IGSF21: variants seen among roughly 807,000 people sequenced by gnomAD.
IGSF21 encodes immunoglobin superfamily member 21, also known as immunoglobulin superfamily member 21.
In IGSF21, 28 loss-of-function variants were observed where a neutral mutation model predicts 46.8. The observed-to-expected ratio is 0.60, with a 90% CI of 0.44 to 0.82. The LOEUF is 0.82. Among genes scored for constraint, IGSF21 ranks in the 40% least tolerant of loss-of-function variants. IGSF21 has a pLI of 0.00. For missense variants in IGSF21, 624 were observed against 665.5 expected (o/e 0.94, Z 0.69); for synonymous variants, 284 against 273.6 (o/e 1.04, Z -0.38).
chr1:18,186,988 G>A (rs1005180461), intron 1 of IGSF21, among the ~76,000 whole-genome samples: 4 of 152,066 alleles, frequency 2.6e-5, no homozygotes, highest in South Asian at 2.1e-4. Flanking sequence ...TGTGACCATC[G>A]TTTTAACCTC....
intron 3 of IGSF21, among the ~76,000 whole-genome samples, chr1:18,305,693 C>T (rs2085419007): frequency 1.3e-5 from 2 of 152,354 alleles, no homozygotes; most frequent in South Asian, 2.1e-4. Context: ...TCATCTAAAA[C>T]TTGCCATTGA....
At chr1:18,324,554 T>C (rs2085639497) in intron 3 of IGSF21, among the ~76,000 whole-genome samples, 1 of 152,226 alleles carries the variant, frequency 6.6e-6, no homozygotes, top group Non-Finnish European at 1.5e-5. Flanking sequence ...TGCCTGGCCT[T>C]GCATAAATCA....
intron 1 of IGSF21, among the ~76,000 whole-genome samples, chr1:18,198,682 A>C (rs1164624700): frequency 1.3e-5 from 2 of 149,848 alleles, no homozygotes; most frequent in Non-Finnish European, 3.0e-5. Context: ...GTATGGGATC[A>C]AGAGAGAGAG....
intron 1 of IGSF21, among the ~76,000 whole-genome samples, chr1:18,177,459 A>T (rs2086813584): frequency 2.3e-5 from 2 of 85,574 alleles, no homozygotes; most frequent in Non-Finnish European, 4.5e-5. Flanking sequence ...GTACATATGC[A>T]TAAACCTATC....
intron 2 of IGSF21, among the ~76,000 whole-genome samples, chr1:18,287,185 AAAAAAAAT>A (rs199795274): frequency 7.4e-6 from 1 of 134,300 alleles, no homozygotes; most frequent in African/African-American, 2.9e-5. Flanking sequence ...CGTCTCAAAA[AAAAAAAAT>A]AAAATAAATA....
At chr1:18,304,533 C>T (rs920886803) in intron 3 of IGSF21, among the ~76,000 whole-genome samples, 6 of 152,128 alleles carry the variant, frequency 3.9e-5, no homozygotes, top group Admixed American at 6.5e-5. Context: ...GCAAGCCAGC[C>T]GCAGAATCAA....
chr1:18,305,400 TAATG>T (rs1324780953), intron 3 of IGSF21, among the ~76,000 whole-genome samples: 1 of 143,052 alleles, frequency 7.0e-6, no homozygotes, highest in Non-Finnish European at 1.5e-5. Context: ...GATGGATGGA[TAATG>T]GATGGATGAT....
At chr1:18,248,959 C>T (rs1171454054) in intron 2 of IGSF21, among the ~76,000 whole-genome samples, 2 of 152,094 alleles carry the variant, frequency 1.3e-5, no homozygotes, top group East Asian at 1.9e-4. Flanking sequence ...GAAAAGTATA[C>T]ACTAAGGTTT....
chr1:18,296,928 G>A (rs963024215), intron 3 of IGSF21, among the ~76,000 whole-genome samples: 2 of 152,166 alleles, frequency 1.3e-5, no homozygotes, highest in African/African-American at 2.4e-5. Flanking sequence ...ATCTAGATTC[G>A]AGGGGCTCAG....
chr1:18,246,788 G>A (rs963329127), intron 2 of IGSF21, among the ~76,000 whole-genome samples: 75 of 152,282 alleles, frequency 4.9e-4, no homozygotes, highest in East Asian at 1.2e-3. Context: ...CCAGGATCCC[G>A]GGAAGTCCTC....
intron 1 of IGSF21, among the ~76,000 whole-genome samples, chr1:18,219,674 A>T (rs1229077844): frequency 6.6e-6 from 1 of 152,130 alleles, no homozygotes; most frequent in Non-Finnish European, 1.5e-5. Context: ...GAGCTCCCTG[A>T]TTGGCAAATA....
intron 4 of IGSF21, among the ~76,000 whole-genome samples, chr1:18,350,718 C>T (rs2085943621): frequency 6.6e-6 from 1 of 152,200 alleles, no homozygotes; most frequent in African/African-American, 2.4e-5. Flanking sequence ...TCACCCACCT[C>T]ATCTCCCCTG....
At chr1:18,301,830 T>C (rs960299314) in intron 3 of IGSF21, among the ~76,000 whole-genome samples, 24 of 152,142 alleles carry the variant, frequency 1.6e-4, no homozygotes, top group Non-Finnish European at 2.8e-4. Flanking sequence ...AGCTTGGCAG[T>C]CCCAGGCCCC....
intron 4 of IGSF21, among the ~76,000 whole-genome samples, chr1:18,344,638 A>G (rs1439560915): frequency 1.3e-5 from 2 of 152,028 alleles, no homozygotes; most frequent in Admixed American, 6.6e-5. Context: ...GCTTCTTCCA[A>G]GCAAAGCCGC....
intron 7 of IGSF21, 23 bp from the exon 8 acceptor site, chr1:18,376,777 C>T (rs370842978): frequency 5.0e-4 from 780 of 1,563,484 alleles, no homozygotes; most frequent in Non-Finnish European, 6.4e-4. Flanking sequence ...TGTGACCCAC[C>T]TCTCCCCTGA....
In IGSF21 at chr1:18,227,926, C is replaced by G. The variant is rs772687461; in HGVS notation, c.99C>G (p.Leu33=). ...RGYLTVNIEP[L]PPVVAGDAVT... ...ACCTGACAGTCAACATTGAGCCTCT[C>G]CCCCCTGTGGTGGCTGGAGACGCCG... is the stretch of plus-strand genomic sequence containing the variant. The change falls in exon 2 of 10, where the codon CTC becomes CTG. Residue 33 remains leucine (L), a synonymous_variant. Transcript: ENST00000251296. The G allele has an allele frequency of 3.1e-6, 5 of 1,613,578 alleles. No individual in the cohort carries two copies. In the East Asian group the frequency reaches 1.1e-4, roughly 36 times the overall value.
At chr1:18,152,023 A>G (rs1435315713) in intron 1 of IGSF21, among the ~76,000 whole-genome samples, 1 of 152,100 alleles carries the variant, frequency 6.6e-6, no homozygotes. Context: ...TTCACACTTA[A>G]TCACTGCCTA....
At chr1:18,191,989 C>T (rs1013673198) in intron 1 of IGSF21, among the ~76,000 whole-genome samples, 1 of 152,202 alleles carries the variant, frequency 6.6e-6, no homozygotes, top group Non-Finnish European at 1.5e-5. Flanking sequence ...TTCTTCCTCC[C>T]TCCAGCCCTC....
intron 3 of IGSF21, among the ~76,000 whole-genome samples, chr1:18,301,832 C>T (rs1313940666): frequency 1.3e-5 from 2 of 152,160 alleles, no homozygotes; most frequent in Non-Finnish European, 2.9e-5. Context: ...CTTGGCAGTC[C>T]CAGGCCCCTG....
Sources: allele counts gnomAD v4.1 joint callset (sites outside exome capture counted in the v4.1 genomes callset), GRCh38; gene constraint gnomAD v4.1.1; transcripts MANE v1.5; gene names NCBI Gene and HGNC (gene_info 2026-07-23, HGNC 2026-07-21).